Variants in SEPTIN7 observed in about 807,000 individuals in gnomAD.
SEPTIN7 encodes the protein septin 7.
Under a neutral mutation model 63.3 loss-of-function variants are expected in SEPTIN7, and 10 were observed. That is an observed-to-expected ratio of 0.16 (90% CI 0.10 to 0.27). SEPTIN7 has a LOEUF of 0.27. Among genes scored for constraint, SEPTIN7 ranks in the 10% least tolerant of loss-of-function variants. SEPTIN7 has a pLI of 1.00. For missense variants in SEPTIN7, 310 were observed against 521.0 expected (o/e 0.59, Z 3.94); for synonymous variants, 131 against 165.3 (o/e 0.79, Z 1.59).
At chr7:35,884,068 A>T (rs993011010) in intron 9 of SEPTIN7, 81 bp downstream of exon 9, 6 of 785,750 alleles carry the variant, frequency 7.6e-6, no homozygotes, top group Non-Finnish European at 1.1e-5. Context: ...GTAGTACAGT[A>T]TGCACACTGT....
intron 3 of SEPTIN7, chr7:35,847,359 T>C (rs1425701278): frequency 1.2e-5 from 2 of 163,774 alleles, no homozygotes; most frequent in African/African-American, 2.4e-5. Flanking sequence ...GGCAATGCCA[T>C]GGCTGAAGCC....
intron 7 of SEPTIN7, among the ~76,000 whole-genome samples, chr7:35,880,849 TAC>T (rs1786832470): frequency 6.6e-6 from 1 of 152,110 alleles, no homozygotes; most frequent in East Asian, 1.9e-4. Context: ...AATATTGAGT[TAC>T]ACAGTCACAC....
chr7:35,832,821 T>C lies in SEPTIN7; in HGVS notation c.90T>C (p.Tyr30=). The C allele has an allele frequency of 6.2e-7, 1 of 1,610,478 alleles. No homozygotes were observed. The stretch of plus-strand genomic sequence containing the variant: ...AGCAACAGAAGAACCTTGAAGGCTA[T>C]GTGGGATTTGCCAATCTCCCAAATC... ...MVAQQKNLEG[Y]VGFANLPNQV... The change falls in exon 3 of 14, where the codon TAT becomes TAC. Residue 30 remains tyrosine (Y), a synonymous_variant. Coordinates refer to ENST00000350320, the MANE Select transcript of SEPTIN7 (RefSeq NM_001788.6).
At chr7:35,880,239 T>C (rs1356852550) in intron 7 of SEPTIN7, among the ~76,000 whole-genome samples, 1 of 146,428 alleles carries the variant, frequency 6.8e-6, no homozygotes, top group Non-Finnish European at 1.5e-5. Context: ...TTTTTTTTTT[T>C]TTTTGAATTA....
intron 9 of SEPTIN7, among the ~76,000 whole-genome samples, chr7:35,885,595 G>C (rs1036440673): frequency 6.6e-6 from 1 of 152,066 alleles, no homozygotes; most frequent in African/African-American, 2.4e-5. Context: ...GAGTTCATTT[G>C]TTAGGTTTAC....
intron 3 of SEPTIN7, among the ~76,000 whole-genome samples, chr7:35,836,716 C>T (rs1784099851): frequency 6.6e-6 from 1 of 152,064 alleles, no homozygotes; most frequent in African/African-American, 2.4e-5. Flanking sequence ...TTTTCCTCCA[C>T]TGCCTGTTGA....
At chr7:35,822,692 C>T (rs757177881) in intron 1 of SEPTIN7, among the ~76,000 whole-genome samples, 24 of 152,142 alleles carry the variant, frequency 1.6e-4, no homozygotes, top group Non-Finnish European at 2.9e-4. Flanking sequence ...TTGGGGACCC[C>T]TCTACTGGGA....
the SEPTIN7 span, among the ~76,000 whole-genome samples, chr7:35,912,122 G>A: frequency 6.6e-6 from 1 of 152,166 alleles, no homozygotes; most frequent in Non-Finnish European, 1.5e-5. Flanking sequence ...GACATATTGG[G>A]AGCAGGCCTC....
intron 9 of SEPTIN7, among the ~76,000 whole-genome samples, chr7:35,884,822 A>T (rs569824941): frequency 6.6e-6 from 1 of 152,216 alleles, no homozygotes; most frequent in South Asian, 2.1e-4. Context: ...GCTATCTTAA[A>T]TTATTAAGGG....
chr7:35,870,660 A>G (rs547746988), intron 4 of SEPTIN7, among the ~76,000 whole-genome samples: 2 of 152,164 alleles, frequency 1.3e-5, no homozygotes, highest in African/African-American at 4.8e-5. Context: ...ACCAGATAAA[A>G]TGTAAACCTC....
intron 10 of SEPTIN7, chr7:35,890,463 G>A (rs1787562136): frequency 3.2e-6 from 1 of 310,224 alleles, no homozygotes; most frequent in South Asian, 1.2e-4. Flanking sequence ...ATCTAAATTT[G>A]GTGTCAAGTT....
At chr7:35,893,544 T>C (rs1275194979) in intron 11 of SEPTIN7, among the ~76,000 whole-genome samples, 2 of 152,154 alleles carry the variant, frequency 1.3e-5, no homozygotes, top group Non-Finnish European at 2.9e-5. Flanking sequence ...TTATACTATC[T>C]AAGGTTGTGT....
At chr7:35,826,374 A>G (rs1464900045) in intron 1 of SEPTIN7, among the ~76,000 whole-genome samples, 1 of 149,874 alleles carries the variant, frequency 6.7e-6, no homozygotes, top group African/African-American at 2.4e-5. Flanking sequence ...GTGTAAAACA[A>G]TATGCTATAT....
At chr7:35,858,643 C>T (rs538284650) in intron 3 of SEPTIN7, among the ~76,000 whole-genome samples, 1 of 151,750 alleles carries the variant, frequency 6.6e-6, no homozygotes, top group East Asian at 1.9e-4. Context: ...CATGAGCCAC[C>T]GCACCTGGCC....
chr7:35,870,024 T>G (rs1160143007), intron 4 of SEPTIN7, among the ~76,000 whole-genome samples: 1 of 152,210 alleles, frequency 6.6e-6, no homozygotes, highest in Non-Finnish European at 1.5e-5. Context: ...TTCAACTAAT[T>G]TGTTTTCCAT....
chr7:35,805,382 A>C (rs1249639677), intron 1 of SEPTIN7, among the ~76,000 whole-genome samples: 2 of 152,238 alleles, frequency 1.3e-5, no homozygotes, highest in Admixed American at 1.3e-4. Flanking sequence ...TGGAATAAGA[A>C]AGATAAACTA....
At chr7:35,817,201 TTTTTGATCCA>T (rs57123195) in intron 1 of SEPTIN7, among the ~76,000 whole-genome samples, 4,353 of 152,064 alleles carry the variant, frequency 0.029, 213 homozygotes, top group African/African-American at 0.099. Flanking sequence ...TATGTTTAGG[TTTTTGATCCA>T]TTTTGAGTTA....
At position 35,882,522 on chromosome 7, in the gene SEPTIN7, C is replaced by T. The variant is rs547553745; in HGVS notation, c.669C>T (p.Tyr223=). The change falls in exon 8 of 14, where the codon TAC becomes TAT. Residue 223 remains tyrosine (Y), a synonymous_variant. Transcript: ENST00000350320. ...TCCAAGAACATAAAATTAAAATATA[C>T]GAATTTCCAGAAACAGATGATGAAG... ...KEIQEHKIKI[Y]EFPETDDEEE... The T allele has an allele frequency of 2.2e-5, 33 of 1,482,248 alleles. No homozygotes were observed. The highest frequency in any genetic ancestry group is 1.9e-4 in the African/African-American group (13 of 70,126). The allele number at this position is 1,482,248 out of a possible 1,614,324, so 91.8% of individuals were successfully genotyped here.
chr7:35,855,063 A>C (rs1377797293), intron 3 of SEPTIN7, among the ~76,000 whole-genome samples: 1 of 152,194 alleles, frequency 6.6e-6, no homozygotes, highest in African/African-American at 2.4e-5. Flanking sequence ...TCTAGAAATA[A>C]GCATTAAATT....
Sources: gnomAD v4.1 joint callset for allele counts (sites outside exome capture counted in the v4.1 genomes callset) on GRCh38, gnomAD v4.1.1 for gene constraint, MANE v1.5 for transcripts, NCBI Gene and HGNC (gene_info 2026-07-23, HGNC 2026-07-21) for gene names.